Variants in ACCSL observed in about 807,000 individuals in gnomAD.
ACCSL encodes the protein probable inactive 1-aminocyclopropane-1-carboxylate synthase-like protein 2.
A neutral mutation model predicts 61.7 loss-of-function variants in ACCSL; 55 were observed. The observed-to-expected ratio is 0.89, with a 90% CI of 0.72 to 1.12. The LOEUF is 1.12. Ranked by LOEUF, ACCSL falls within the 50% of genes most tolerant of loss-of-function variation. ACCSL has a pLI of 0.00. For synonymous variants in ACCSL, 258 were observed against 264.3 expected (o/e 0.98, Z 0.23); for missense variants, 632 against 698.0 (o/e 0.91, Z 1.07).
At chr11:43,950,167 G>A in the ACCSL span, among the ~76,000 whole-genome samples, 2 of 152,258 alleles carry the variant, frequency 1.3e-5, no homozygotes, top group South Asian at 4.1e-4. Context: ...CCCCACCTTC[G>A]AGTTGTTCCA....
At chr11:44,006,910 TCTC>T in the ACCSL span, among the ~76,000 whole-genome samples, 3 of 152,086 alleles carry the variant, frequency 2.0e-5, no homozygotes, top group Admixed American at 6.6e-5. Context: ...TTAGCGATGT[TCTC>T]CTCCCCGCGG....
the ACCSL span, among the ~76,000 whole-genome samples, chr11:43,995,860 T>A: frequency 6.6e-6 from 1 of 152,160 alleles, no homozygotes; most frequent in East Asian, 1.9e-4. Flanking sequence ...ACCAGATCCC[T>A]CTGAAAGATA....
the ACCSL span, among the ~76,000 whole-genome samples, chr11:43,983,697 T>G: frequency 8.1e-6 from 1 of 123,970 alleles, no homozygotes; most frequent in Non-Finnish European, 1.6e-5. Flanking sequence ...AGACCTGGTT[T>G]GGATTCCAGC....
chr11:44,040,957 A>G, the ACCSL span, among the ~76,000 whole-genome samples: 1 of 152,328 alleles, frequency 6.6e-6, no homozygotes, highest in Middle Eastern at 3.4e-3. Context: ...TACTCGTACC[A>G]TCTTGTGTGA....
chr11:44,007,075 C>A, the ACCSL span, among the ~76,000 whole-genome samples: 1 of 152,124 alleles, frequency 6.6e-6, no homozygotes, highest in Non-Finnish European at 1.5e-5. Flanking sequence ...AAAGCTGACT[C>A]CAAAGTTAGG....
Position 44,053,068 on chromosome 11 carries a change from G to C in ACCSL, c.948G>C (p.Glu316Asp), listed in dbSNP as rs1233350531. ...AAGCCCTGCTTGAAGCTAGGCTTGA[G>C]GTAAGGTGGGAACCATATTTTTAGG... The part of the protein sequence containing the change: ...LEEALLEARL[E>D]GKKVRGLVLI... Residue 316 changes from glutamate to aspartate, a missense_variant and splice_region_variant, in exon 7 of 14, where the codon GAG (glutamate) becomes GAC (aspartate). Glu to Asp is a conservative substitution (Grantham distance 45). Transcript: ENST00000378832. The C allele has an allele frequency of 3.1e-6, 5 of 1,613,366 alleles. No homozygotes were observed. In the African/African-American group the frequency reaches 5.3e-5, roughly 17 times the overall value.
At chr11:43,981,858 G>T in the ACCSL span, among the ~76,000 whole-genome samples, 13 of 152,252 alleles carry the variant, frequency 8.5e-5, no homozygotes, top group African/African-American at 3.1e-4. Context: ...CCCTCTCCCC[G>T]CCCAGGGCAA....
the ACCSL span, among the ~76,000 whole-genome samples, chr11:44,003,482 A>G: frequency 6.6e-6 from 1 of 152,030 alleles, no homozygotes; most frequent in African/African-American, 2.4e-5. Context: ...GTGAAGCTCC[A>G]GCTCTACAAA....
chr11:43,956,612 G>C, the ACCSL span, among the ~76,000 whole-genome samples: 1,006 of 152,178 alleles, frequency 6.6e-3, 15 homozygotes, highest in African/African-American at 0.023. Flanking sequence ...GTAGAGACAG[G>C]GCTTCACTGT....
At chr11:43,926,465 C>A in the ACCSL span, 1 of 455,602 alleles carries the variant, frequency 2.2e-6, no homozygotes, top group African/African-American at 2.0e-5. Context: ...AACGCCTTGG[C>A]CTGCAAGAGT....
chr11:43,931,748 C>T, the ACCSL span, among the ~76,000 whole-genome samples: 1 of 152,302 alleles, frequency 6.6e-6, no homozygotes, highest in South Asian at 2.1e-4. Context: ...CTTTAAATCT[C>T]GTCCCCTGCG....
At chr11:44,059,759 C>A in intron 13 of ACCSL, 79 bp from the exon 14 acceptor site, 2 of 1,208,814 alleles carry the variant, frequency 1.7e-6, no homozygotes, top group South Asian at 2.9e-5. Flanking sequence ...TATGGTTGAC[C>A]ATGACCTGGG....
chr11:43,951,276 G>A, the ACCSL span, among the ~76,000 whole-genome samples: 1 of 152,204 alleles, frequency 6.6e-6, no homozygotes, highest in Non-Finnish European at 1.5e-5. Context: ...AAGAGTGGGA[G>A]TTCTGTTGTT....
the ACCSL span, among the ~76,000 whole-genome samples, chr11:43,948,286 G>T: frequency 1.3e-5 from 2 of 152,108 alleles, no homozygotes; most frequent in African/African-American, 4.8e-5. Context: ...AGGCCCTTTG[G>T]CCTCTGGAAA....
chr11:44,040,206 G>A, the ACCSL span, among the ~76,000 whole-genome samples: 6 of 152,318 alleles, frequency 3.9e-5, no homozygotes, highest in Non-Finnish European at 8.8e-5. Context: ...GCTCATTTGT[G>A]TTTTAATTGG....
the ACCSL span, among the ~76,000 whole-genome samples, chr11:44,034,195 A>C: frequency 6.6e-6 from 1 of 152,202 alleles, no homozygotes; most frequent in Non-Finnish European, 1.5e-5. Flanking sequence ...GGGTCCACCC[A>C]CACCCCATCT....
At chr11:44,003,737 C>T in the ACCSL span, among the ~76,000 whole-genome samples, 1 of 152,238 alleles carries the variant, frequency 6.6e-6, no homozygotes, top group African/African-American at 2.4e-5. Flanking sequence ...ATTCTATCCC[C>T]ACTGGACAGT....
At chr11:44,003,020 A>G in the ACCSL span, among the ~76,000 whole-genome samples, 1,386 of 152,272 alleles carry the variant, frequency 9.1e-3, 10 homozygotes, top group African/African-American at 0.031. Context: ...TCATTGCTTA[A>G]GCGTGGTGAG....
chr11:43,963,579 C>G, the ACCSL span, among the ~76,000 whole-genome samples: 1 of 152,324 alleles, frequency 6.6e-6, no homozygotes, highest in South Asian at 2.1e-4. Flanking sequence ...GTCTGCTCTT[C>G]TGAATTGTTA....
Sources: allele counts gnomAD v4.1 joint callset (sites outside exome capture counted in the v4.1 genomes callset), GRCh38; gene constraint gnomAD v4.1.1; transcripts MANE v1.5; gene names NCBI Gene and HGNC (gene_info 2026-07-23, HGNC 2026-07-21).